Variants in CRISPLD2 observed in about 807,000 individuals in gnomAD.
The protein encoded by CRISPLD2 is cysteine-rich secretory protein LCCL domain-containing 2.
In CRISPLD2, 47 loss-of-function variants were observed where a neutral mutation model predicts 71.1. The observed-to-expected ratio is 0.66, with a 90% CI of 0.52 to 0.84. CRISPLD2 has a LOEUF of 0.84. Among genes scored for constraint, CRISPLD2 ranks in the 40% least tolerant of loss-of-function variants. The pLI is 0.00. For synonymous variants in CRISPLD2, 317 were observed against 250.1 expected (o/e 1.27, Z -2.52); for missense variants, 830 against 651.1 (o/e 1.27, Z -2.99).
At chr16:84,848,190 G>A (rs933578727) in intron 3 of CRISPLD2, among the ~76,000 whole-genome samples, 2 of 152,150 alleles carry the variant, frequency 1.3e-5, no homozygotes, top group African/African-American at 2.4e-5. Context: ...ACCTTGAGCC[G>A]CAGGGAAGCG....
chr16:84,894,560 T>C (rs2071689743), intron 14 of CRISPLD2, among the ~76,000 whole-genome samples: 1 of 152,118 alleles, frequency 6.6e-6, no homozygotes, highest in Non-Finnish European at 1.5e-5. Context: ...AGGGGTGTGG[T>C]CTGCTGTGGC....
At chr16:84,829,876 G>T (rs779373067) in intron 1 of CRISPLD2, among the ~76,000 whole-genome samples, 1 of 152,232 alleles carries the variant, frequency 6.6e-6, no homozygotes, top group Non-Finnish European at 1.5e-5. Flanking sequence ...CCCAGGCCAC[G>T]CCTGCGGCAG....
chr16:84,860,350 G>T (rs569153256), intron 6 of CRISPLD2, among the ~76,000 whole-genome samples: 1 of 152,222 alleles, frequency 6.6e-6, no homozygotes, highest in African/African-American at 2.4e-5. Flanking sequence ...CTATTCTCCA[G>T]ATTTCTGCTT....
At chr16:84,855,283 T>A (rs988947753) in intron 6 of CRISPLD2, among the ~76,000 whole-genome samples, 6 of 152,030 alleles carry the variant, frequency 3.9e-5, no homozygotes, top group Admixed American at 2.6e-4. Context: ...AGGATATATA[T>A]AAATATGTAT....
At chr16:84,890,291 G>A (rs1358206564) in intron 14 of CRISPLD2, among the ~76,000 whole-genome samples, 9 of 152,002 alleles carry the variant, frequency 5.9e-5, no homozygotes, top group South Asian at 4.2e-4. Flanking sequence ...CCCGGGAGGC[G>A]GAGCTTGCAG....
chr16:84,884,606 G>A (rs2071596139), intron 13 of CRISPLD2, among the ~76,000 whole-genome samples: 2 of 151,696 alleles, frequency 1.3e-5, no homozygotes, highest in Admixed American at 1.3e-4. Context: ...CCCTTTTACT[G>A]AAGCCTGTGA....
chr16:84,833,955 G>A (rs1916553343), intron 1 of CRISPLD2, among the ~76,000 whole-genome samples: 1 of 152,162 alleles, frequency 6.6e-6, no homozygotes, highest in Admixed American at 6.5e-5. Context: ...CCCCCTGCAT[G>A]GGTTGGTGGG....
chr16:84,880,214 C>T (rs1007398088), intron 12 of CRISPLD2, among the ~76,000 whole-genome samples: 5 of 152,216 alleles, frequency 3.3e-5, no homozygotes, highest in African/African-American at 4.8e-5. Flanking sequence ...CACAATTCCA[C>T]ACTCTTCTCT....
intron 6 of CRISPLD2, among the ~76,000 whole-genome samples, chr16:84,857,591 T>G (rs1693410837): frequency 1.3e-5 from 2 of 152,196 alleles, no homozygotes; most frequent in South Asian, 4.1e-4. Flanking sequence ...TCCTGCCCAC[T>G]GGGAAGATTT....
At chr16:84,854,050 A>C (rs1036374674) in intron 5 of CRISPLD2, among the ~76,000 whole-genome samples, 4 of 152,224 alleles carry the variant, frequency 2.6e-5, no homozygotes, top group African/African-American at 7.2e-5. Flanking sequence ...GCAGAGGGCA[A>C]CTGTGACCCA....
chr16:84,823,773 A>G (rs1455958567), intron 1 of CRISPLD2, among the ~76,000 whole-genome samples: 5 of 152,202 alleles, frequency 3.3e-5, no homozygotes, highest in Non-Finnish European at 5.9e-5. Flanking sequence ...GTCAGAGGGA[A>G]AAAAAACGTC....
chr16:84,896,102 G>T (rs201820381), intron 14 of CRISPLD2, among the ~76,000 whole-genome samples: 5 of 150,730 alleles, frequency 3.3e-5, no homozygotes, highest in African/African-American at 7.3e-5. Flanking sequence ...GCAGTGGCGC[G>T]ATCTCCACTC....
chr16:84,894,794 C>G (rs973352069), intron 14 of CRISPLD2, among the ~76,000 whole-genome samples: 1 of 152,030 alleles, frequency 6.6e-6, no homozygotes, highest in Non-Finnish European at 1.5e-5. Flanking sequence ...CACCCTTAGG[C>G]ACATCTCCAT....
At position 84,901,226 on chromosome 16, in the gene CRISPLD2, C is replaced by T. The variant is rs184231886; in HGVS notation, c.1440-5362C>T. 8.5e-3 allele frequency among the ~76,000 whole-genome samples: 1,298 copies of T among 152,116 alleles called. 10 individuals are homozygous for T. Among genetic ancestry groups the T allele is most frequent in the Non-Finnish European group, 0.014 (952 of 67,998 alleles). The stretch of plus-strand genomic sequence containing the variant: ...AAAAGCAAAGTGCAGAGTGGTATGT[C>T]TATGGCAGTATGTATATAATATTTG... On this transcript the variant is annotated intron_variant, in intron 14 of 14. Coordinates refer to ENST00000262424, the MANE Select transcript of CRISPLD2 (RefSeq NM_031476.4).
chr16:84,849,675 CTGTT>C (rs1375562905), intron 4 of CRISPLD2, among the ~76,000 whole-genome samples, 158 bp downstream of exon 4: 3 of 152,070 alleles, frequency 2.0e-5, no homozygotes, highest in African/African-American at 7.2e-5. Flanking sequence ...GGAGAAGAAG[CTGTT>C]TGTTACCAGC....
intron 2 of CRISPLD2, 97 bp from the exon 3 acceptor site, chr16:84,845,689 C>T: frequency 2.4e-6 from 2 of 832,588 alleles, no homozygotes; most frequent in Non-Finnish European, 3.9e-6. Context: ...TGGCTGTAGG[C>T]TCCACAGGAG....
chr16:84,875,414 C>CTTT (rs34028519), intron 11 of CRISPLD2, among the ~76,000 whole-genome samples: 2,814 of 87,520 alleles, frequency 0.032, 30 homozygotes, highest in African/African-American at 0.038. Flanking sequence ...TATGCATGGA[C>CTTT]TTTTTTTTTT....
intron 14 of CRISPLD2, among the ~76,000 whole-genome samples, chr16:84,892,104 T>G (rs970972237): frequency 1.3e-5 from 2 of 152,118 alleles, no homozygotes; most frequent in African/African-American, 4.8e-5. Flanking sequence ...TCCTCACCTA[T>G]AAAGGGGGGA....
intron 6 of CRISPLD2, among the ~76,000 whole-genome samples, chr16:84,855,807 C>T (rs1274470709): frequency 6.6e-6 from 1 of 152,154 alleles, no homozygotes; most frequent in African/African-American, 2.4e-5. Context: ...AACCATCCTT[C>T]GTAAAACTGG....
Sources: allele counts gnomAD v4.1 joint callset (sites outside exome capture counted in the v4.1 genomes callset), GRCh38; gene constraint gnomAD v4.1.1; transcripts MANE v1.5; gene names NCBI Gene and HGNC (gene_info 2026-07-23, HGNC 2026-07-21).